The following PCNX2 variants were observed in gnomAD, a reference collection of about 807,000 sequenced individuals.
The protein encoded by PCNX2 is pecanex-like protein 2.
In PCNX2, 168 loss-of-function variants were observed where a neutral mutation model predicts 223.8. That is an observed-to-expected ratio of 0.75 (90% CI 0.66 to 0.85). PCNX2 has a LOEUF of 0.85. Ranked by LOEUF, PCNX2 falls within the 40% of genes least tolerant of loss-of-function variation. PCNX2 has a pLI of 0.00. For synonymous variants in PCNX2, 1,006 were observed against 1,052.6 expected (o/e 0.96, Z 0.86); for missense variants, 2,507 against 2,675.5 (o/e 0.94, Z 1.39).
intron 5 of PCNX2, among the ~76,000 whole-genome samples, chr1:233,254,511 T>A (rs1189593761): frequency 6.6e-6 from 1 of 152,192 alleles, no homozygotes; most frequent in Non-Finnish European, 1.5e-5. Flanking sequence ...GACGGTTTTT[T>A]TCCTTTTTTC....
intron 19 of PCNX2, among the ~76,000 whole-genome samples, chr1:233,146,370 G>GA (rs758579125): frequency 1.1e-4 from 16 of 152,002 alleles, no homozygotes; most frequent in Non-Finnish European, 2.2e-4. Flanking sequence ...GGTTCTGGGG[G>GA]AAAAAAGCAG....
rs1400471275 is a variant in PCNX2, at chr1:233,000,768, C to A, written c.5098-233G>T. Among the ~76,000 whole-genome samples, 1 of 152,190 alleles carries A rather than the reference C, an allele frequency of 6.6e-6. No individual in the cohort carries two copies. Among genetic ancestry groups the A allele is most frequent in the African/African-American group, 2.4e-5 (1 of 41,442 alleles). On this transcript the variant is annotated intron_variant, in intron 29 of 33. Transcript: ENST00000258229. This position sits in a 1 kb window ranked among gnomAD's most constrained non-coding sequence, Gnocchi z 4.6. ...AGCTTCATGGCTTAGGTTCCTCTGA[C>A]CTTTAGATATAGTTTTAGATATAGG... is the stretch of plus-strand genomic sequence containing the variant.
intron 28 of PCNX2, among the ~76,000 whole-genome samples, chr1:233,007,100 C>T (rs147280731): frequency 1.8e-4 from 27 of 152,086 alleles, no homozygotes; most frequent in Non-Finnish European, 2.6e-4. Context: ...TACAGTCGCA[C>T]ATGCCTGTAG....
intron 19 of PCNX2, among the ~76,000 whole-genome samples, chr1:233,141,989 A>C (rs772158413): frequency 6.6e-5 from 10 of 152,200 alleles, no homozygotes; most frequent in Non-Finnish European, 1.2e-4. Flanking sequence ...GATAAAAATA[A>C]AAAGAAGTTT....
chr1:233,208,381 G>T, intron 13 of PCNX2, 137 bp downstream of exon 13: 1 of 932,672 alleles, frequency 1.1e-6, no homozygotes, highest in Non-Finnish European at 1.6e-6. Flanking sequence ...ACAGTCTTCG[G>T]TAGATATGCA....
intron 23 of PCNX2, among the ~76,000 whole-genome samples, chr1:233,080,401 A>ACAC (rs541246932): frequency 1.4e-5 from 2 of 140,516 alleles, no homozygotes; most frequent in Non-Finnish European, 3.2e-5. Flanking sequence ...CACACACACA[A>ACAC]ACACACACAC....
intron 21 of PCNX2, among the ~76,000 whole-genome samples, chr1:233,127,475 G>C (rs1023805074): frequency 2.0e-5 from 3 of 152,030 alleles, no homozygotes; most frequent in Non-Finnish European, 4.4e-5. Flanking sequence ...GTTCTCTCAG[G>C]TTAGACTGGG....
In PCNX2 at chr1:233,236,980, T is replaced by A. The variant is rs199649181; in HGVS notation, c.2223A>T (p.Arg741=). ...TACTGGAGGAGCTGACCTGCATCTCTCTGAGGATGGGCAAAACAAAAGCTT... is the reference window on the plus strand; with the variant it reads ...TACTGGAGGAGCTGACCTGCATCTCACTGAGGATGGGCAAAACAAAAGCTT... ...PSNNDCLSQA[R]EMQVSSSSTT... is the part of the protein sequence containing the mutation. The change falls in exon 9 of 34, where the codon CGA becomes CGT. Residue 741 remains arginine (R), a splice_region_variant and synonymous_variant. Transcript: ENST00000258229. 35 of 1,613,686 alleles carry A rather than the reference T, an allele frequency of 2.2e-5. No homozygotes were observed. The highest frequency in any genetic ancestry group is 2.9e-5 in the Non-Finnish European group (34 of 1,179,824).
At chr1:233,249,158 G>A (rs1659303874) in intron 8 of PCNX2, among the ~76,000 whole-genome samples, 2 of 152,266 alleles carry the variant, frequency 1.3e-5, no homozygotes, top group South Asian at 4.2e-4. Flanking sequence ...AGTTCTTTAA[G>A]GCTCTGCATA....
upstream of PCNX2, among the ~76,000 whole-genome samples, chr1:233,297,944 G>C (rs1260475604): frequency 6.6e-6 from 1 of 152,148 alleles, no homozygotes; most frequent in Non-Finnish European, 1.5e-5. Context: ...TTTCCATTTT[G>C]GGTTGAGATG....
intron 1 of PCNX2, among the ~76,000 whole-genome samples, chr1:233,267,178 G>A (rs1182085234): frequency 6.6e-6 from 1 of 152,076 alleles, no homozygotes; most frequent in Non-Finnish European, 1.5e-5. Context: ...TTAGCCAGGC[G>A]TGGTGGTGCA....
intron 1 of PCNX2, among the ~76,000 whole-genome samples, chr1:233,280,069 A>G (rs1315028911): frequency 1.3e-5 from 2 of 151,966 alleles, no homozygotes; most frequent in African/African-American, 4.8e-5. Flanking sequence ...TTCTCTTAAC[A>G]GTGTTATCTG....
intron 15 of PCNX2, among the ~76,000 whole-genome samples, 171 bp from the exon 16 acceptor site, chr1:233,179,346 T>C (rs1222665815): frequency 6.6e-6 from 1 of 152,210 alleles, no homozygotes; most frequent in Non-Finnish European, 1.5e-5. Flanking sequence ...AAAACTCACC[T>C]GTTGGTTTAT....
At chr1:233,121,104 G>A (rs901461940) in intron 21 of PCNX2, among the ~76,000 whole-genome samples, 7 of 151,074 alleles carry the variant, frequency 4.6e-5, no homozygotes, top group African/African-American at 1.7e-4. Flanking sequence ...GACAAAATAT[G>A]TGTGTATCAA....
chr1:233,123,868 G>A (rs1675946951), intron 21 of PCNX2, among the ~76,000 whole-genome samples: 1 of 152,160 alleles, frequency 6.6e-6, no homozygotes, highest in African/African-American at 2.4e-5. Flanking sequence ...CACTGAAAAA[G>A]ACCATATAGT....
In PCNX2 at chr1:233,244,229, T is replaced by C. The variant is rs1319081929; in HGVS notation, c.2222+6510A>G. Among the ~76,000 whole-genome samples, 6 of 152,350 alleles carry C rather than the reference T, an allele frequency of 3.9e-5. No individual in the cohort carries two copies. In the South Asian group the frequency reaches 1.0e-3, roughly 26 times the overall value. On this transcript the variant is annotated intron_variant, in intron 8 of 33. Coordinates refer to ENST00000258229, the MANE Select transcript of PCNX2 (RefSeq NM_014801.4). ...ACTTAAGATGGTTAAGCAAGTTGCA[T>C]AACGTCAAACAAAAAGTAAATATCA...
intron 7 of PCNX2, among the ~76,000 whole-genome samples, chr1:233,251,837 C>T (rs1659471450): frequency 1.3e-5 from 2 of 152,192 alleles, no homozygotes; most frequent in African/African-American, 4.8e-5. Flanking sequence ...TTTGAACTTG[C>T]CACTTTATAA....
intron 23 of PCNX2, among the ~76,000 whole-genome samples, chr1:233,073,753 C>T (rs1283309010): frequency 6.6e-6 from 1 of 151,678 alleles, no homozygotes; most frequent in Non-Finnish European, 1.5e-5. Flanking sequence ...GCTAAAACTA[C>T]AGGTGTGCAC....
At chr1:233,143,790 T>C (rs1165862962) in intron 19 of PCNX2, among the ~76,000 whole-genome samples, 1 of 152,128 alleles carries the variant, frequency 6.6e-6, no homozygotes, top group Non-Finnish European at 1.5e-5. Flanking sequence ...TTATCTTTTA[T>C]GCAGATAAAC....
Sources: gnomAD v4.1 joint callset for allele counts (sites outside exome capture counted in the v4.1 genomes callset) on GRCh38, gnomAD v4.1.1 for gene constraint, Gnocchi (gnomAD v3.1) non-coding constraint, MANE v1.5 for transcripts, NCBI Gene and HGNC (gene_info 2026-07-23, HGNC 2026-07-21) for gene names.